The following PPP1R9A variants were observed in gnomAD, a reference collection of about 807,000 sequenced individuals.
PPP1R9A encodes the protein neurabin-1.
Under a neutral mutation model 141.9 loss-of-function variants are expected in PPP1R9A, and 59 were observed. The observed-to-expected ratio is 0.42, with a 90% CI of 0.34 to 0.52. The LOEUF is 0.52. Among genes scored for constraint, PPP1R9A ranks in the 20% least tolerant of loss-of-function variants. PPP1R9A has a pLI of 0.10. For missense variants in PPP1R9A, 1,444 were observed against 1,611.9 expected, an observed-to-expected ratio of 0.90 and a Z score of 1.78; for synonymous variants, 500 against 569.7, an observed-to-expected ratio of 0.88 and a Z score of 1.74.
chr7:95,165,846 A>AT (rs2152729343), intron 5 of PPP1R9A, among the ~76,000 whole-genome samples: 1 of 152,236 alleles, frequency 6.6e-6, no homozygotes, highest in East Asian at 1.9e-4. Context: ...GAAGAAAACT[A>AT]TAAATGTTAT....
intron 2 of PPP1R9A, among the ~76,000 whole-genome samples, chr7:95,057,110 G>A (rs1210844195): frequency 6.6e-6 from 1 of 152,082 alleles, no homozygotes; most frequent in Non-Finnish European, 1.5e-5. Flanking sequence ...TAGGGAATAT[G>A]TTTGGCTTTC....
chr7:95,255,691 G>GTTAA (rs1305970227), intron 12 of PPP1R9A, among the ~76,000 whole-genome samples: 1 of 152,100 alleles, frequency 6.6e-6, no homozygotes, highest in African/African-American at 2.4e-5. Context: ...AAGGCACTAT[G>GTTAA]TAAGCATCTC....
In PPP1R9A at chr7:95,191,405, T is replaced by A. The variant is rs79478688; in HGVS notation, c.1755-6944T>A. ...TAATTATGTTTTGATTTATAATGTA[T>A]AGTGATCATATCATGGTAATTAGCA... On this transcript the variant is annotated intron_variant, in intron 5 of 19. Transcript: ENST00000433360. Among the ~76,000 whole-genome samples, 166 of 152,312 alleles carry A rather than the reference T, an allele frequency of 1.1e-3. 2 individuals carry two copies. The East Asian group carries it at 0.027, about 25-fold the overall frequency.
At chr7:95,232,611 G>T (rs1014925689) in intron 8 of PPP1R9A, among the ~76,000 whole-genome samples, 3 of 152,052 alleles carry the variant, frequency 2.0e-5, no homozygotes, top group African/African-American at 7.2e-5. Context: ...GAAAATTTTT[G>T]CAATCTATCC....
intron 4 of PPP1R9A, among the ~76,000 whole-genome samples, chr7:95,140,801 C>T (rs907965600): frequency 6.6e-6 from 1 of 152,206 alleles, no homozygotes; most frequent in African/African-American, 2.4e-5. Context: ...AAATCCTCTG[C>T]CTCCAAAGCT....
rs946826698 is a variant in PPP1R9A, at chr7:95,292,879, G to T, written c.*2576G>T. 6.6e-6 allele frequency: 1 copy of T among 152,168 alleles called. No individual in the cohort carries two copies. The highest frequency in any genetic ancestry group is 2.4e-5 in the African/African-American group (1 of 41,440). The allele number at this position is 152,168 out of a possible 1,614,324, so 9.4% of individuals were successfully genotyped here. On this transcript the variant is annotated 3_prime_UTR_variant, in exon 20 of 20. Coordinates refer to ENST00000433360, the MANE Select transcript of PPP1R9A (RefSeq NM_001166160.2). ...TTTCCTATTATTTCTTTTATTGACTGTAGTGCATGATACCTAATCAAGGCT... is the reference window on the plus strand; with the variant it reads ...TTTCCTATTATTTCTTTTATTGACTTTAGTGCATGATACCTAATCAAGGCT...
At chr7:95,208,137 AT>A (rs1212505628) in intron 7 of PPP1R9A, among the ~76,000 whole-genome samples, 1 of 152,240 alleles carries the variant, frequency 6.6e-6, no homozygotes, top group Admixed American at 6.5e-5. Flanking sequence ...GGAAATAATT[AT>A]TATTAAACTT....
At chr7:94,915,839 TGAA>T (rs1202564074) in intron 2 of PPP1R9A, among the ~76,000 whole-genome samples, 1 of 152,170 alleles carries the variant, frequency 6.6e-6, no homozygotes, top group Non-Finnish European at 1.5e-5. Flanking sequence ...CTTGTTCTGT[TGAA>T]GAGATGTGAC....
chr7:95,153,291 T>A (rs1206669179), intron 4 of PPP1R9A, among the ~76,000 whole-genome samples: 1 of 152,200 alleles, frequency 6.6e-6, no homozygotes, highest in Non-Finnish European at 1.5e-5. Context: ...CTATTCAAGA[T>A]CTTGAAGTTA....
At chr7:95,262,126 C>T (rs1800523507) in intron 12 of PPP1R9A, among the ~76,000 whole-genome samples, 1 of 152,132 alleles carries the variant, frequency 6.6e-6, no homozygotes, top group East Asian at 1.9e-4. Context: ...TGATTAGATT[C>T]TTGTAGGCAA....
At chr7:95,005,416 A>C (rs572725196) in intron 2 of PPP1R9A, among the ~76,000 whole-genome samples, 64 of 152,318 alleles carry the variant, frequency 4.2e-4, no homozygotes, top group African/African-American at 1.4e-3. Flanking sequence ...TCTTACAATA[A>C]ACTTTTTAAA....
intron 2 of PPP1R9A, among the ~76,000 whole-genome samples, chr7:94,969,927 G>A (rs963156953): frequency 1.3e-5 from 2 of 152,104 alleles, no homozygotes; most frequent in Non-Finnish European, 2.9e-5. Flanking sequence ...CGACCTTTCT[G>A]GTGGCTTTGT....
chr7:95,235,945 G>A (rs1388212772), intron 8 of PPP1R9A, among the ~76,000 whole-genome samples: 1 of 152,146 alleles, frequency 6.6e-6, no homozygotes, highest in African/African-American at 2.4e-5. Flanking sequence ...GCTAAGCTAT[G>A]GGTACACAAA....
intron 2 of PPP1R9A, among the ~76,000 whole-genome samples, chr7:95,034,575 A>G (rs1221886236): frequency 6.6e-6 from 1 of 151,846 alleles, no homozygotes; most frequent in Non-Finnish European, 1.5e-5. Context: ...CTGGTCTCGA[A>G]CTCCTGACTT....
At chr7:95,109,645 A>G (rs946077194) in intron 2 of PPP1R9A, among the ~76,000 whole-genome samples, 1 of 152,156 alleles carries the variant, frequency 6.6e-6, no homozygotes, top group African/African-American at 2.4e-5. Flanking sequence ...ATTCAAGACC[A>G]GCATGGGCAA....
intron 8 of PPP1R9A, among the ~76,000 whole-genome samples, chr7:95,245,743 G>A (rs1477665683): frequency 6.6e-6 from 1 of 152,158 alleles, no homozygotes; most frequent in Non-Finnish European, 1.5e-5. Flanking sequence ...CTAAAGGCAG[G>A]TAAGTAAGAA....
rs111902174 is a variant in PPP1R9A, at chr7:94,994,504, G to A, written c.1395+82996G>A. 9.5e-4 allele frequency among the ~76,000 whole-genome samples: 145 copies of A among 152,302 alleles called. 1 individual carries two copies. Among genetic ancestry groups the A allele is most frequent in the African/African-American group, 3.3e-3 (139 of 41,566 alleles). Reference sequence around the variant, plus strand: ...AAAATGTACTTTTTATCAAATTGATGAAGTTCCTTTCTATTCTTTGTTAAA... The same window carrying A: ...AAAATGTACTTTTTATCAAATTGATAAAGTTCCTTTCTATTCTTTGTTAAA... On this transcript the variant is annotated intron_variant, in intron 2 of 19. Transcript: ENST00000433360.
chr7:94,940,865 G>A (rs1795265754), intron 2 of PPP1R9A, among the ~76,000 whole-genome samples: 1 of 152,054 alleles, frequency 6.6e-6, no homozygotes, highest in Admixed American at 6.6e-5. Flanking sequence ...TTAGGACACT[G>A]GAAGTCTTAG....
chr7:94,993,429 C>T (rs768731165), intron 2 of PPP1R9A, among the ~76,000 whole-genome samples: 16 of 152,102 alleles, frequency 1.1e-4, no homozygotes, highest in Non-Finnish European at 2.1e-4. Flanking sequence ...TCAATTTATA[C>T]AAAAGAGCCT....
Sources: allele counts gnomAD v4.1 joint callset (sites outside exome capture counted in the v4.1 genomes callset), GRCh38; gene constraint gnomAD v4.1.1; transcripts MANE v1.5; gene names NCBI Gene and HGNC (gene_info 2026-07-23, HGNC 2026-07-21).